The following PKNOX1 variants were observed in gnomAD, a reference collection of about 807,000 sequenced individuals.
PKNOX1 encodes homeobox protein PKNOX1.
PKNOX1 carries 15 observed loss-of-function variants against 51.9 expected under a neutral mutation model. The observed-to-expected ratio is 0.29, with a 90% CI of 0.19 to 0.45. The LOEUF (loss-of-function observed/expected upper bound fraction) is 0.45, where lower values mean the gene tolerates loss of function less well. Among genes scored for constraint, PKNOX1 ranks in the 20% least tolerant of loss-of-function variants. The pLI, the probability that PKNOX1 is intolerant of heterozygous loss-of-function variation, is 1.00. For synonymous variants in PKNOX1, 219 were observed against 211.1 expected (o/e 1.04, Z -0.32); for missense variants, 462 against 547.5 (o/e 0.84, Z 1.56).
At chr21:43,029,682 C>T (rs1214233745) in intron 10 of PKNOX1, among the ~76,000 whole-genome samples, 1 of 152,142 alleles carries the variant, frequency 6.6e-6, no homozygotes, top group Admixed American at 6.5e-5. Flanking sequence ...CCGCCTGCCT[C>T]AGCCTCCCAA....
intron 1 of PKNOX1, among the ~76,000 whole-genome samples, chr21:42,984,974 C>CTTTTTTTT (rs71195904): frequency 5.3e-4 from 31 of 58,000 alleles, no homozygotes; most frequent in South Asian, 9.8e-4. Flanking sequence ...ATTTTCTTTT[C>CTTTTTTTT]TTTTTTTTTT....
chr21:43,008,910 G>A (rs529540326), intron 3 of PKNOX1, among the ~76,000 whole-genome samples: 1 of 152,136 alleles, frequency 6.6e-6, no homozygotes, highest in Non-Finnish European at 1.5e-5. Flanking sequence ...AATTTTCATA[G>A]CAGCACAGCC....
rs182578174 is a variant in PKNOX1 at position 42,996,251 on chromosome 21, G to C, written c.-56-8075G>C. ...CAGGCTGTTCAGGATGATCATGATAGGTATAGGGACTGCTGCAATGGGATT... is the reference window on the plus strand; with the variant it reads ...CAGGCTGTTCAGGATGATCATGATACGTATAGGGACTGCTGCAATGGGATT... On this transcript the variant is annotated intron_variant, in intron 1 of 10. Coordinates refer to ENST00000291547, the MANE Select transcript of PKNOX1 (RefSeq NM_004571.5). Among the ~76,000 whole-genome samples the C allele has an allele frequency of 1.2e-3, 185 of 152,272 alleles. 2 individuals are homozygous for C. The highest frequency in any genetic ancestry group is 0.012 in the Admixed American group (182 of 15,272).
chr21:42,979,550 G>A (rs1257328776), intron 1 of PKNOX1, among the ~76,000 whole-genome samples: 1 of 152,120 alleles, frequency 6.6e-6, no homozygotes, highest in African/African-American at 2.4e-5. Context: ...AGACCATCCT[G>A]GCTAACACTG....
chr21:42,975,143 G>A (rs1004172708), intron 1 of PKNOX1, among the ~76,000 whole-genome samples: 11 of 145,012 alleles, frequency 7.6e-5, no homozygotes, highest in Non-Finnish European at 1.4e-4. Context: ...GGCGCGCGTG[G>A]GGCCGGTCGG....
rs1023508818 is a variant in PKNOX1, at chr21:43,010,037, T to C, written c.180-16T>C. 1.3e-6 allele frequency: 2 copies of C among 1,514,954 alleles called. No individual in the cohort carries two copies. The allele number at this position is 1,514,954 out of a possible 1,614,324, so 93.8% of individuals were successfully genotyped here. On this transcript the variant is annotated splice_polypyrimidine_tract_variant and intron_variant, in intron 3 of 10. Coordinates refer to ENST00000291547, the MANE Select transcript of PKNOX1 (RefSeq NM_004571.5). ...TGTAGAACGTAAATGGATTCTTTTT[T>C]TTCTTTTCTCCTCAGGCATCCACTA... is the stretch of plus-strand genomic sequence containing the variant.
intron 1 of PKNOX1, among the ~76,000 whole-genome samples, chr21:42,986,774 G>A (rs117074130): frequency 0.016 from 2,390 of 152,300 alleles, 21 homozygotes; most frequent in Non-Finnish European, 0.022. Context: ...TAGAGATGCA[G>A]TCTCTGGATC....
rs949230608 is a variant in PKNOX1 at position 43,032,431 on chromosome 21, C to T, written c.*2330C>T. The T allele has an allele frequency of 2.3e-5, 7 of 308,996 alleles. No homozygotes were observed. The highest frequency in any genetic ancestry group is 3.9e-5 in the Non-Finnish European group (6 of 152,300). 19.1% of individuals were successfully genotyped at this position (308,996 alleles called of 1,614,324 possible). ...CGTTTCTTTCCCCCACTAGAAATCA[C>T]ATTCACTAAGCAGTGGATTGAATTT... On this transcript the variant is annotated 3_prime_UTR_variant, in exon 11 of 11. Transcript: ENST00000291547.
chr21:43,016,855 A>C (rs902103545), intron 5 of PKNOX1, 53 bp from the exon 6 acceptor site: 1 of 1,212,646 alleles, frequency 8.2e-7, no homozygotes, highest in African/African-American at 1.5e-5. Flanking sequence ...AGTTTTAAAC[A>C]TGGGTTTTCC....
rs112028629 is a variant in PKNOX1, at chr21:42,986,334, C to G, written c.-57+11670C>G. ...TGGCCAAGGTGGTGAAACTCCATCT[C>G]TACTAGAAATAGAAAAATTAGCCAG... On this transcript the variant is annotated intron_variant, in intron 1 of 10. Coordinates refer to ENST00000291547, the MANE Select transcript of PKNOX1 (RefSeq NM_004571.5). Among the ~76,000 whole-genome samples the G allele has an allele frequency of 4.1e-3, 621 of 152,134 alleles. 4 individuals carry two copies. Among genetic ancestry groups the G allele is most frequent in the African/African-American group, 0.014 (587 of 41,512 alleles).
intron 1 of PKNOX1, among the ~76,000 whole-genome samples, chr21:42,999,883 T>G (rs1434988528): frequency 1.3e-5 from 2 of 152,230 alleles, no homozygotes; most frequent in African/African-American, 2.4e-5. Context: ...AAGTCACCTC[T>G]TGAATGCTTT....
intron 1 of PKNOX1, among the ~76,000 whole-genome samples, chr21:42,975,294 G>T (rs1391089699): frequency 2.6e-5 from 4 of 151,284 alleles, no homozygotes; most frequent in Admixed American, 2.6e-4. Flanking sequence ...GGGTCCTGGG[G>T]GCGGTGGGCG....
At position 43,030,892 on chromosome 21, in the gene PKNOX1, T is replaced by G. The variant is rs948901827; in HGVS notation, c.*791T>G. 6.6e-6 allele frequency: 1 copy of G among 152,206 alleles called. No homozygotes were observed. The highest frequency in any genetic ancestry group is 1.5e-5 in the Non-Finnish European group (1 of 68,030). 9.4% of individuals were successfully genotyped at this position (152,206 alleles called of 1,614,324 possible). ...GCTCTCCCCGGGTAGTGATGAACAT[T>G]TACTACTATAAAAGAAACAGCTATT... On this transcript the variant is annotated 3_prime_UTR_variant, in exon 11 of 11. Coordinates refer to ENST00000291547, the MANE Select transcript of PKNOX1 (RefSeq NM_004571.5).
In PKNOX1 at chr21:43,018,151, C is replaced by A; in HGVS notation, c.641C>A (p.Pro214His). 1 of 1,611,054 alleles carries A rather than the reference C, an allele frequency of 6.2e-7. No individual in the cohort carries two copies. ...ATVAGGTVYQPVTVVTPQGQV... is the reference protein window; with the variant it reads ...ATVAGGTVYQHVTVVTPQGQV... Reference sequence around the variant, plus strand: ...TTTCGAGGTGGCACAGTGTATCAGCCTGTCACGGTCGTCACTCCCCAAGGC... The same window carrying A: ...TTTCGAGGTGGCACAGTGTATCAGCATGTCACGGTCGTCACTCCCCAAGGC... Residue 214 changes from proline (P) to histidine (H), a missense_variant, in exon 7 of 11, where the codon CCT becomes CAT. Coordinates refer to ENST00000291547, the MANE Select transcript of PKNOX1 (RefSeq NM_004571.5).
chr21:42,993,749 T>G (rs1374524969), intron 1 of PKNOX1, among the ~76,000 whole-genome samples: 2 of 121,856 alleles, frequency 1.6e-5, no homozygotes, highest in Non-Finnish European at 3.4e-5. Context: ...TTTTTTTTTT[T>G]TGAAACAGAG....
intron 1 of PKNOX1, among the ~76,000 whole-genome samples, chr21:42,991,328 A>AG (rs939709152): frequency 4.6e-5 from 7 of 151,800 alleles, no homozygotes; most frequent in African/African-American, 1.7e-4. Context: ...CTACAAAAAA[A>AG]GAAAAAAAAA....
Position 43,021,190 on chromosome 21 carries a change from A to G in PKNOX1, c.721-113A>G, listed in dbSNP as rs1979737207. ...ACAGGGTTCCCGTGCATGGGCCTCG[A>G]CTACAATCATTTCCCTGTCCGATCC... is the stretch of plus-strand genomic sequence containing the variant. On this transcript the variant is annotated intron_variant, in intron 7 of 10. Coordinates refer to ENST00000291547, the MANE Select transcript of PKNOX1 (RefSeq NM_004571.5). This position sits in a 1 kb window ranked among gnomAD's most constrained non-coding sequence, Gnocchi z 4.6. The G allele has an allele frequency of 2.4e-6, 2 of 838,776 alleles. No homozygotes were observed. Among genetic ancestry groups the G allele is most frequent in the Non-Finnish European group, 3.7e-6 (2 of 541,878 alleles). 52.0% of individuals were successfully genotyped at this position (838,776 alleles called of 1,614,324 possible).
At chr21:43,016,327 G>A (rs565691349) in intron 5 of PKNOX1, among the ~76,000 whole-genome samples, 1 of 152,312 alleles carries the variant, frequency 6.6e-6, no homozygotes, top group African/African-American at 2.4e-5. Context: ...CTCGCTGTAG[G>A]CCGGGCACAG....
At chr21:43,005,985 C>A (rs1462238092) in intron 2 of PKNOX1, among the ~76,000 whole-genome samples, 2 of 152,174 alleles carry the variant, frequency 1.3e-5, no homozygotes, top group Non-Finnish European at 2.9e-5. Context: ...TGAAATATAT[C>A]TACAGCGTAG....
Sources: allele counts gnomAD v4.1 joint callset (sites outside exome capture counted in the v4.1 genomes callset), GRCh38; gene constraint gnomAD v4.1.1; non-coding constraint Gnocchi (gnomAD v3.1); transcripts MANE v1.5; gene names NCBI Gene and HGNC (gene_info 2026-07-23, HGNC 2026-07-21).